The following NAV1 variants were observed in gnomAD, a reference collection of about 807,000 sequenced individuals.
The protein encoded by NAV1 is pore membrane and/or filament interacting like protein 3.
Under a neutral mutation model 175.2 loss-of-function variants are expected in NAV1, and 18 were observed. The ratio of observed to expected loss-of-function variants is 0.10; its 90% CI spans 0.07 to 0.15. The LOEUF (loss-of-function observed/expected upper bound fraction) is 0.15, where lower values mean the gene tolerates loss of function less well. Among genes scored for constraint, NAV1 ranks in the 10% least tolerant of loss-of-function variants. The pLI is 1.00. For missense variants in NAV1, 1,731 were observed against 2,436.6 expected, an observed-to-expected ratio of 0.71 and a Z score of 6.10; for synonymous variants, 897 against 978.7, an observed-to-expected ratio of 0.92 and a Z score of 1.56.
At chr1:201,722,643 T>C (rs538367994) in intron 3 of NAV1, among the ~76,000 whole-genome samples, 82 of 141,378 alleles carry the variant, frequency 5.8e-4, no homozygotes, top group African/African-American at 3.1e-4. Context: ...TATCATATGG[T>C]AATTCTATGT....
exon 1 of NAV1, chr1:201,649,052 G>A (rs1283058085): frequency 1.2e-6 from 2 of 1,613,582 alleles, no homozygotes; most frequent in South Asian, 2.2e-5. Flanking sequence ...TGGGGTCCAA[G>A]GGCCGTGAAG....
chr1:201,662,546 G>A (rs1669654143), intron 1 of NAV1, among the ~76,000 whole-genome samples: 1 of 152,178 alleles, frequency 6.6e-6, no homozygotes, highest in South Asian at 2.1e-4. Flanking sequence ...ATCAATTCCA[G>A]TGCTTACCAG....
chr1:201,658,976 G>C (rs192581922), intron 1 of NAV1, among the ~76,000 whole-genome samples: 94 of 152,342 alleles, frequency 6.2e-4, no homozygotes, highest in Non-Finnish European at 1.1e-3. Flanking sequence ...CCACCAGGCT[G>C]TTCCAGTTGC....
chr1:201,759,302 G>T (rs1010130916), intron 3 of NAV1, among the ~76,000 whole-genome samples: 1 of 152,204 alleles, frequency 6.6e-6, no homozygotes, highest in Non-Finnish European at 1.5e-5. Context: ...AGTTAGTGAA[G>T]AAGTGGAGAA....
chr1:201,590,937 C>T (rs999423929), intron 2 of NAV1, among the ~76,000 whole-genome samples: 8 of 152,222 alleles, frequency 5.3e-5, no homozygotes, highest in Non-Finnish European at 1.2e-4. Context: ...TCACCCCAAC[C>T]TGGTGCTCCT....
chr1:201,804,126 T>G (rs1428148491), intron 16 of NAV1: 7 of 448,266 alleles, frequency 1.6e-5, no homozygotes, highest in Middle Eastern at 3.2e-4. Flanking sequence ...CTTTAATTTT[T>G]GGGGATGTTT....
rs375910267 is a variant in NAV1, at chr1:201,788,526, C to A, written c.3054C>A (p.His1018Gln). The A allele has an allele frequency of 6.2e-7, 1 of 1,614,086 alleles. No homozygotes were observed. The highest frequency in any genetic ancestry group is 1.3e-5 in the African/African-American group (1 of 74,940). ...CCCGCTCCAACAGCATCCCCACCCA[C>A]GAGGCGGCCTTCGAGCTGTACAGCG... The change falls in exon 10 of 30, where the codon CAC becomes CAA. Residue 1018 changes from histidine to glutamine, a missense_variant. Transcript: ENST00000367296. This position sits in a 1 kb window ranked among gnomAD's most constrained non-coding sequence, Gnocchi z 5.7.
At chr1:201,724,108 A>G (rs1672504662) in intron 3 of NAV1, 1 of 152,176 alleles carries the variant, frequency 6.6e-6, no homozygotes, top group Non-Finnish European at 1.5e-5. Context: ...GCTTGACACT[A>G]GAAGTAGTCT....
intron 1 of NAV1, among the ~76,000 whole-genome samples, chr1:201,565,288 T>A (rs1049994265): frequency 6.6e-6 from 1 of 152,240 alleles, no homozygotes; most frequent in Non-Finnish European, 1.5e-5. Flanking sequence ...ATGTGGTGCC[T>A]TATAAATGCT....
At chr1:201,576,804 T>C (rs2102184393) in intron 1 of NAV1, among the ~76,000 whole-genome samples, 1 of 152,346 alleles carries the variant, frequency 6.6e-6, no homozygotes, top group East Asian at 1.9e-4. Flanking sequence ...GGTGTTGTCA[T>C]TGCTTTAAAA....
intron 2 of NAV1, among the ~76,000 whole-genome samples, chr1:201,639,896 G>A (rs562426042): frequency 3.9e-5 from 6 of 152,194 alleles, no homozygotes; most frequent in African/African-American, 9.6e-5. Context: ...CCTCATTTCC[G>A]ACCCTGTCCT....
rs747210827 is a variant in NAV1, at chr1:201,810,577, C to T, written c.4616C>T (p.Pro1539Leu). 3.7e-6 allele frequency: 6 copies of T among 1,613,948 alleles called. No homozygotes were observed. Among genetic ancestry groups the T allele is most frequent in the East Asian group, 2.2e-5 (1 of 44,872 alleles). ...GTGTTCGAGACGCTGATCCCCAAGCCGATGATGCAGCACTACATAAGCCTC... is the reference window on the plus strand; with the variant it reads ...GTGTTCGAGACGCTGATCCCCAAGCTGATGATGCAGCACTACATAAGCCTC... The change falls in exon 24 of 30, where the codon CCG becomes CTG. Residue 1539 changes from proline (P) to leucine (L), a missense_variant. Coordinates refer to ENST00000367296, the Ensembl canonical transcript of NAV1. The surrounding 1 kb of genome is among the most constrained non-coding windows in gnomAD (Gnocchi z 6.0).
intron 3 of NAV1, among the ~76,000 whole-genome samples, chr1:201,768,289 A>G (rs1675335756): frequency 6.9e-6 from 1 of 144,962 alleles, no homozygotes; most frequent in Non-Finnish European, 1.5e-5. Flanking sequence ...AGATTGCGCC[A>G]TTGCACTGCA....
intron 1 of NAV1, among the ~76,000 whole-genome samples, chr1:201,542,372 T>A (rs1485681012): frequency 6.6e-6 from 1 of 152,168 alleles, no homozygotes; most frequent in Admixed American, 6.5e-5. Context: ...AATGTGGCAA[T>A]ACTTGGCAAA....
At chr1:201,770,976 C>T (rs1335279853) in intron 3 of NAV1, among the ~76,000 whole-genome samples, 3 of 152,076 alleles carry the variant, frequency 2.0e-5, no homozygotes, top group African/African-American at 7.2e-5. Flanking sequence ...AGACCCCCTC[C>T]AAAGCACAAA....
exon 1 of NAV1, chr1:201,648,792 A>G (rs1220700806): frequency 3.3e-6 from 5 of 1,522,530 alleles, no homozygotes; most frequent in Admixed American, 2.1e-5. Flanking sequence ...CGGCAGAGGC[A>G]TGCTGCCCAA....
intron 2 of NAV1, among the ~76,000 whole-genome samples, chr1:201,617,234 C>G (rs1249928039): frequency 2.1e-5 from 3 of 141,466 alleles, no homozygotes; most frequent in African/African-American, 5.3e-5. Flanking sequence ...CTCTCTCTCT[C>G]TCTCTCTGTC....
intron 2 of NAV1, among the ~76,000 whole-genome samples, chr1:201,636,683 A>C (rs1207977167): frequency 6.6e-6 from 1 of 151,880 alleles, no homozygotes; most frequent in Non-Finnish European, 1.5e-5. Context: ...AAATCCTTCC[A>C]GGAGAAGGAA....
chr1:201,757,646 C>T (rs1674597669), intron 3 of NAV1, among the ~76,000 whole-genome samples: 1 of 152,210 alleles, frequency 6.6e-6, no homozygotes, highest in Non-Finnish European at 1.5e-5. Context: ...ATGACATTCC[C>T]CCAAATCAGC....
Sources: allele counts gnomAD v4.1 joint callset (sites outside exome capture counted in the v4.1 genomes callset), GRCh38; gene constraint gnomAD v4.1.1; non-coding constraint Gnocchi (gnomAD v3.1); transcripts MANE v1.5; gene names NCBI Gene and HGNC (gene_info 2026-07-23, HGNC 2026-07-21).